Variants in NRROS observed in about 807,000 individuals in gnomAD.
NRROS encodes transforming growth factor beta activator LRRC33.
A neutral mutation model predicts 12.0 loss-of-function variants in NRROS; 6 were observed. That is an observed-to-expected ratio of 0.50 (90% CI 0.27 to 0.98). NRROS has a LOEUF of 0.98. NRROS is among the 50% of genes least tolerant of loss of function. The pLI is 0.11. For missense variants in NRROS, 857 were observed against 888.2 expected, an observed-to-expected ratio of 0.96 and a Z score of 0.45; for synonymous variants, 462 against 410.2, an observed-to-expected ratio of 1.13 and a Z score of -1.53.
intron 1 of NRROS, among the ~76,000 whole-genome samples, chr3:196,649,372 C>T (rs1247795547): frequency 1.3e-5 from 2 of 152,190 alleles, no homozygotes; most frequent in Non-Finnish European, 2.9e-5. Flanking sequence ...CACCGTGTGC[C>T]CTTGTGTGTC....
Position 196,646,540 on chromosome 3 carries a change from T to C in NRROS, c.-14+6665T>C, listed in dbSNP as rs368522277. Among the ~76,000 whole-genome samples the C allele has an allele frequency of 5.6e-3, 846 of 152,288 alleles. 10 individuals carry two copies. The highest frequency in any genetic ancestry group is 0.019 in the African/African-American group (790 of 41,562). Reference sequence around the variant, plus strand: ...GGGCATGGAACAGGACGAGGTGGGCTGACCTCTGATGGCTCTACCAGGCCG... The same window carrying C: ...GGGCATGGAACAGGACGAGGTGGGCCGACCTCTGATGGCTCTACCAGGCCG... On this transcript the variant is annotated intron_variant, in intron 1 of 2. Transcript: ENST00000328557.
intron 1 of NRROS, among the ~76,000 whole-genome samples, chr3:196,651,766 C>CA (rs113938165): frequency 6.6e-6 from 1 of 152,090 alleles, no homozygotes; most frequent in Middle Eastern, 3.4e-3. Flanking sequence ...AACTCCGTCT[C>CA]AAAAAACAAA....
intron 2 of NRROS, among the ~76,000 whole-genome samples, chr3:196,657,731 A>AG (rs1737570074): frequency 1.3e-5 from 2 of 148,858 alleles, no homozygotes; most frequent in Admixed American, 6.7e-5. Flanking sequence ...AAAGATAAAA[A>AG]TTCTCTTCCA....
Position 196,649,503 on chromosome 3 carries a change from G to A in NRROS, c.-13-5024G>A, listed in dbSNP as rs371494324. 2.2e-4 allele frequency among the ~76,000 whole-genome samples: 33 copies of A among 151,892 alleles called. No individual in the cohort carries two copies. The East Asian group carries it at 3.7e-3, about 17-fold the overall frequency. ...TCTTTTTTTTTTGAGACGGAGTCTC[G>A]CTCTGTCGCCCAGGCTGGAGTGCAG... is the stretch of plus-strand genomic sequence containing the variant. On this transcript the variant is annotated intron_variant, in intron 1 of 2. Transcript: ENST00000328557.
At chr3:196,659,623 T>A in intron 2 of NRROS, 129 bp from the exon 3 acceptor site, 1 of 990,412 alleles carries the variant, frequency 1.0e-6, no homozygotes, top group South Asian at 1.7e-5. Context: ...CTATCCTATT[T>A]TTAAAATGAA....
rs1354493103 is a variant in NRROS at position 196,661,290 on chromosome 3, C to T, written c.1647C>T (p.Thr549=). Residue 549 remains threonine, a synonymous_variant, in exon 3 of 3, where the codon ACC becomes ACT. Coordinates refer to ENST00000328557, the MANE Select transcript of NRROS (RefSeq NM_198565.3). ...TAGATCTGTCGGGGAATTGCTTGAC[C>T]ACCTTCCCAAGGTTTGGGGGCAGCC... ...RDLDLSGNCL[T]TFPRFGGSLA... 2 of 1,611,798 alleles carry T rather than the reference C, an allele frequency of 1.2e-6. No homozygotes were observed. Among genetic ancestry groups the T allele is most frequent in the African/African-American group, 2.7e-5 (2 of 74,878 alleles).
At chr3:196,659,673 G>C in intron 2 of NRROS, 79 bp from the exon 3 acceptor site, 1 of 1,434,300 alleles carries the variant, frequency 7.0e-7, no homozygotes, top group African/African-American at 1.4e-5. Flanking sequence ...GGGACAGTCT[G>C]ATAAGTGAAC....
At chr3:196,646,166 T>C (rs9823810) in intron 1 of NRROS, among the ~76,000 whole-genome samples, 55,541 of 152,098 alleles carry the variant, frequency 0.37, 10,683 homozygotes, top group African/African-American at 0.44. Context: ...TCCTCCGTGG[T>C]CACCACCAGA....
chr3:196,644,543 C>T (rs1221681318), intron 1 of NRROS, among the ~76,000 whole-genome samples: 1 of 151,844 alleles, frequency 6.6e-6, no homozygotes, highest in African/African-American at 2.4e-5. Flanking sequence ...TTTGGGAGGC[C>T]AGGGCGGGAG....
rs1212953079 is a variant in NRROS at position 196,660,950 on chromosome 3, A to G, written c.1307A>G (p.Asn436Ser). 7 of 1,614,134 alleles carry G rather than the reference A, an allele frequency of 4.3e-6. No homozygotes were observed. Among genetic ancestry groups the G allele is most frequent in the East Asian group, 2.2e-5 (1 of 44,866 alleles). ...ATCACTACACTTGACATGAGCCACA[A>G]TCAGATCTCACTTTGTCCCCTGCCA... ...RNITTLDMSH[N>S]QISLCPLPAA... The change falls in exon 3 of 3, where the codon AAT becomes AGT. Residue 436 changes from asparagine (N) to serine (S), a missense_variant. Transcript: ENST00000328557. This position sits in a 1 kb window ranked among gnomAD's most constrained non-coding sequence, Gnocchi z 7.7.
Position 196,654,684 on chromosome 3 carries a change from C to T in NRROS, c.108+37C>T. Reference sequence around the variant, plus strand: ...TTGAACCCTGATCTGTCGGCTGCTCCTGTCCTGACAAGGCTTGGTCCATTT... The same window carrying T: ...TTGAACCCTGATCTGTCGGCTGCTCTTGTCCTGACAAGGCTTGGTCCATTT... On this transcript the variant is annotated intron_variant, in intron 2 of 2. Coordinates refer to ENST00000328557, the MANE Select transcript of NRROS (RefSeq NM_198565.3). This position sits in a 1 kb window ranked among gnomAD's most constrained non-coding sequence, Gnocchi z 4.4. 1 of 1,308,100 alleles carries T rather than the reference C, an allele frequency of 7.6e-7. No individual in the cohort carries two copies. The highest frequency in any genetic ancestry group is 1.2e-5 in the South Asian group (1 of 80,652). The allele number at this position is 1,308,100 out of a possible 1,614,324, so 81.0% of individuals were successfully genotyped here.
chr3:196,659,618 C>T, intron 2 of NRROS, 134 bp from the exon 3 acceptor site: 1 of 941,750 alleles, frequency 1.1e-6, no homozygotes, highest in East Asian at 2.7e-5. Context: ...CTTGTCTATC[C>T]TATTTTTAAA....
intron 1 of NRROS, among the ~76,000 whole-genome samples, chr3:196,649,377 T>C (rs1350342950): frequency 9.2e-5 from 14 of 152,250 alleles, no homozygotes; most frequent in Admixed American, 2.0e-4. Flanking sequence ...TGTGCCCTTG[T>C]GTGTCCATGA....
intron 2 of NRROS, among the ~76,000 whole-genome samples, chr3:196,655,547 A>G (rs71323738): frequency 6.6e-6 from 1 of 152,082 alleles, no homozygotes; most frequent in East Asian, 1.9e-4. Context: ...AAAGAAAAAA[A>G]CAAAACAAAA....
At chr3:196,650,439 C>T (rs901625261) in intron 1 of NRROS, among the ~76,000 whole-genome samples, 8 of 151,968 alleles carry the variant, frequency 5.3e-5, no homozygotes, top group African/African-American at 1.5e-4. Context: ...CCACTGCGCC[C>T]GGCCATTTTT....
At chr3:196,647,781 A>C (rs1277571510) in intron 1 of NRROS, among the ~76,000 whole-genome samples, 1 of 152,226 alleles carries the variant, frequency 6.6e-6, no homozygotes, top group Non-Finnish European at 1.5e-5. Context: ...CTGGTCTCAA[A>C]TTCCTGACCT....
At chr3:196,642,984 C>T (rs1012530925) in intron 1 of NRROS, among the ~76,000 whole-genome samples, 1 of 150,762 alleles carries the variant, frequency 6.6e-6, no homozygotes, top group African/African-American at 2.4e-5. Context: ...GCAGGAGAGT[C>T]GCTTGAACCT....
rs752718622 is a variant in NRROS at position 196,660,566 on chromosome 3, G to A, written c.923G>A (p.Gly308Asp). The change falls in exon 3 of 3, where the codon GGC becomes GAC. Residue 308 changes from glycine (G) to aspartate (D), a missense_variant. Physicochemically the swap from Gly to Asp is moderately conservative, Grantham distance 94 (BLOSUM62 -1). Transcript: ENST00000328557. The surrounding 1 kb of genome is among the most constrained non-coding windows in gnomAD (Gnocchi z 7.7). ...GTGGCCCAGTTCCTCCTCGTGGACG[G>A]CAACGTGACCAACATCACCACCGTC... is the stretch of plus-strand genomic sequence containing the variant. Reference protein sequence around the residue: ...EMVAQFLLVDGNVTNITTVSL... With the variant: ...EMVAQFLLVDDNVTNITTVSL... 21 of 1,613,958 alleles carry A rather than the reference G, an allele frequency of 1.3e-5. No homozygotes were observed. The highest frequency in any genetic ancestry group is 1.6e-4 in the Middle Eastern group (1 of 6,084).
Position 196,661,501 on chromosome 3 carries a change from A to T in NRROS, c.1858A>T (p.Thr620Ser), listed in dbSNP as rs1198851700. 6.2e-6 allele frequency: 10 copies of T among 1,610,758 alleles called. No individual in the cohort carries two copies. Among genetic ancestry groups the T allele is most frequent in the Non-Finnish European group, 8.5e-6 (10 of 1,177,510 alleles). ...GACGGTGGCCGACTGGGCCATGGTC[A>T]CCTGCAACCTCTCCTCCAAGATCAT... is the stretch of plus-strand genomic sequence containing the variant. ...GQTVADWAMV[T>S]CNLSSKIIRV... Residue 620 changes from threonine to serine, a missense_variant, in exon 3 of 3, where the codon ACC becomes TCC. Thr to Ser is a moderately conservative substitution (Grantham distance 58). Coordinates refer to ENST00000328557, the MANE Select transcript of NRROS (RefSeq NM_198565.3).
Sources: allele counts gnomAD v4.1 joint callset (sites outside exome capture counted in the v4.1 genomes callset), GRCh38; gene constraint gnomAD v4.1.1; non-coding constraint Gnocchi (gnomAD v3.1); transcripts MANE v1.5; gene names NCBI Gene and HGNC (gene_info 2026-07-23, HGNC 2026-07-21).